The following CRLS1 variants were observed in gnomAD, a reference collection of about 807,000 sequenced individuals.
CRLS1 encodes cardiolipin synthase 1.
Under a neutral mutation model 37.0 loss-of-function variants are expected in CRLS1, and 24 were observed. The ratio of observed to expected loss-of-function variants is 0.65; its 90% CI spans 0.47 to 0.91. The LOEUF (loss-of-function observed/expected upper bound fraction) is 0.91, where lower values mean the gene tolerates loss of function less well. Ranked by LOEUF, CRLS1 falls within the 40% of genes least tolerant of loss-of-function variation. CRLS1 has a pLI of 0.00. For missense variants in CRLS1, 373 were observed against 395.8 expected (o/e 0.94, Z 0.49); for synonymous variants, 135 against 159.7 (o/e 0.85, Z 1.17).
At chr20:6,009,052 T>C (rs953389180) in intron 1 of CRLS1, among the ~76,000 whole-genome samples, 1 of 152,234 alleles carries the variant, frequency 6.6e-6, no homozygotes, top group Non-Finnish European at 1.5e-5. Context: ...AGGCCGGGCA[T>C]GCTGGCTCAC....
chr20:6,013,151 A>G lies in CRLS1; in HGVS notation c.445-2210A>G, dbSNP rs926089417. Among the ~76,000 whole-genome samples the G allele has an allele frequency of 5.9e-5, 9 of 152,152 alleles. No individual in the cohort carries two copies. The South Asian group carries it at 8.3e-4, about 14-fold the overall frequency. On this transcript the variant is annotated intron_variant, in intron 2 of 6. Coordinates refer to ENST00000378863, the MANE Select transcript of CRLS1 (RefSeq NM_019095.6). ...ATTATATCTATGTGTATATAGATAG[A>G]TAGATATAAAATCCTATATATAAAA...
chr20:6,034,342 G>C, intron 5 of CRLS1, 122 bp from the exon 6 acceptor site: 1 of 652,956 alleles, frequency 1.5e-6, no homozygotes. Context: ...TAGTGTAGAT[G>C]AACAGCAAGC....
In CRLS1 at chr20:6,032,021, G is replaced by A. The variant is rs1211463814; in HGVS notation, c.670G>A (p.Ala224Thr). The A allele has an allele frequency of 2.5e-6, 4 of 1,612,270 alleles. No homozygotes were observed. The highest frequency in any genetic ancestry group is 3.4e-6 in the Non-Finnish European group (4 of 1,178,698). ...YRTLPTPRTL[A>T]KYFNPCYATA... ...TTTGGTCCTCTGCCAGCGAACACTT[G>A]CCAAGTATTTCAATCCTTGCTATGC... Residue 224 changes from alanine to threonine, a missense_variant, in exon 5 of 7, where the codon GCC (alanine) becomes ACC (threonine). Ala to Thr is a moderately conservative substitution (Grantham distance 58). Coordinates refer to ENST00000378863, the MANE Select transcript of CRLS1 (RefSeq NM_019095.6).
chr20:6,029,719 G>A (rs1433622013), intron 3 of CRLS1, among the ~76,000 whole-genome samples: 1 of 152,116 alleles, frequency 6.6e-6, no homozygotes, highest in Non-Finnish European at 1.5e-5. Context: ...CTACAGAAAA[G>A]TTTGTTTACC....
chr20:6,018,218 A>C (rs1177355847), intron 3 of CRLS1, among the ~76,000 whole-genome samples: 2 of 149,094 alleles, frequency 1.3e-5, no homozygotes, highest in Non-Finnish European at 3.0e-5. Context: ...TCTGTCCTCA[A>C]AAAAAAAAAA....
At position 6,034,450 on chromosome 20, in the gene CRLS1, CT is replaced by C. The variant is rs748825471; in HGVS notation, c.730-7del. ...TGGCACTATTCACTTAGAACTTTTT[CT>C]TTTTTTATTTAGGTGAATACAGCAG... is the stretch of plus-strand genomic sequence containing the variant. On this transcript the variant is annotated splice_polypyrimidine_tract_variant and intron_variant, in intron 5 of 6. Coordinates refer to ENST00000378863, the MANE Select transcript of CRLS1 (RefSeq NM_019095.6). The C allele has an allele frequency of 6.3e-7, 1 of 1,599,348 alleles. No homozygotes were observed.
chr20:6,035,683 A>G (rs1980491747), intron 6 of CRLS1, among the ~76,000 whole-genome samples: 1 of 152,160 alleles, frequency 6.6e-6, no homozygotes, highest in Non-Finnish European at 1.5e-5. Flanking sequence ...GTACAGTGGC[A>G]TGATCATAGC....
intron 3 of CRLS1, among the ~76,000 whole-genome samples, chr20:6,023,707 T>G (rs1979453265): frequency 6.6e-6 from 1 of 151,736 alleles, no homozygotes; most frequent in African/African-American, 2.4e-5. Flanking sequence ...TTTTTTTGGC[T>G]CTCATTTTGA....
intron 2 of CRLS1, among the ~76,000 whole-genome samples, chr20:6,014,958 T>C (rs1203794642): frequency 3.3e-5 from 5 of 152,174 alleles, no homozygotes; most frequent in Non-Finnish European, 7.3e-5. Flanking sequence ...ATGGTAAGTT[T>C]TAACAGAGTT....
rs770137065 is a variant in CRLS1, at chr20:6,031,350, T to C, written c.640T>C (p.Tyr214His). 2 of 1,609,110 alleles carry C rather than the reference T, an allele frequency of 1.2e-6. No individual in the cohort carries two copies. The highest frequency in any genetic ancestry group is 1.1e-5 in the South Asian group (1 of 89,960). ...GATTGCTGCTGTTTTTTATGTCAGA[T>C]ACCGAACTCTTCCAACACCAGTGAG... ...MLIAAVFYVR[Y>H]RTLPTPRTLA... Residue 214 changes from tyrosine to histidine, a missense_variant, in exon 4 of 7, where the codon TAC (tyrosine) becomes CAC (histidine). Tyr to His is a moderately conservative substitution (Grantham distance 83). Coordinates refer to ENST00000378863, the MANE Select transcript of CRLS1 (RefSeq NM_019095.6).
At chr20:6,027,766 G>A (rs561547363) in intron 3 of CRLS1, among the ~76,000 whole-genome samples, 1 of 152,262 alleles carries the variant, frequency 6.6e-6, no homozygotes, top group African/African-American at 2.4e-5. Context: ...CTGGTCATCT[G>A]ACTTTCTTTC....
At chr20:6,029,612 G>A (rs1038186878) in intron 3 of CRLS1, among the ~76,000 whole-genome samples, 1 of 152,204 alleles carries the variant, frequency 6.6e-6, no homozygotes, top group Non-Finnish European at 1.5e-5. Flanking sequence ...GCCTGCCTTG[G>A]CCTCCCAAGG....
Position 6,006,882 on chromosome 20 carries a change from G to A in CRLS1, c.306+330G>A, listed in dbSNP as rs1325036165. 5 of 928,006 alleles carry A rather than the reference G, an allele frequency of 5.4e-6. No homozygotes were observed. In the East Asian group the frequency reaches 5.8e-4, roughly 108 times the overall value. 57.5% of individuals were successfully genotyped at this position (928,006 alleles called of 1,614,324 possible). A position where few individuals can be genotyped will look rare whatever the true frequency, so the allele number is the denominator to read the frequency against. On this transcript the variant is annotated intron_variant, in intron 1 of 6. Transcript: ENST00000378863. ...AAAGCCTATTTTTAATTCTTTTGAA[G>A]TGAATCCCCAGTGTTTAGGGCAAGT... is the stretch of plus-strand genomic sequence containing the variant.
rs1383182830 is a variant in CRLS1 at position 6,038,916 on chromosome 20, T to A, written c.*1758T>A. Reference sequence around the variant, plus strand: ...ATCCCTTAGGAAAATGGTCCAAGTCTCCTCAGGCTTTTGGATACTGAATTG... The same window carrying A: ...ATCCCTTAGGAAAATGGTCCAAGTCACCTCAGGCTTTTGGATACTGAATTG... On this transcript the variant is annotated 3_prime_UTR_variant, in exon 7 of 7. Coordinates refer to ENST00000378863, the MANE Select transcript of CRLS1 (RefSeq NM_019095.6). The A allele has an allele frequency of 6.6e-6, 1 of 152,240 alleles. No homozygotes were observed. Among genetic ancestry groups the A allele is most frequent in the East Asian group, 1.9e-4 (1 of 5,204 alleles). The allele number at this position is 152,240 out of a possible 1,614,324, so 9.4% of individuals were successfully genotyped here.
chr20:6,007,128 C>A, intron 1 of CRLS1: 3 of 786,802 alleles, frequency 3.8e-6, no homozygotes, highest in Non-Finnish European at 5.4e-6. Flanking sequence ...TGTTGATATG[C>A]TACCCAGACA....
chr20:6,032,256 A>T (rs1239567914), intron 5 of CRLS1, among the ~76,000 whole-genome samples, 176 bp downstream of exon 5: 3 of 151,920 alleles, frequency 2.0e-5, no homozygotes, highest in Non-Finnish European at 2.9e-5. Flanking sequence ...TGTTTTTTGG[A>T]TCATCCTTAT....
chr20:6,037,201 A>G lies in CRLS1; in HGVS notation c.*43A>G, dbSNP rs973910645. The G allele has an allele frequency of 2.8e-6, 4 of 1,426,034 alleles. No individual in the cohort carries two copies. Among genetic ancestry groups the G allele is most frequent in the Non-Finnish European group, 3.9e-6 (4 of 1,012,714 alleles). 88.3% of individuals were successfully genotyped at this position (1,426,034 alleles called of 1,614,324 possible). A position where few individuals can be genotyped will look rare whatever the true frequency, so the allele number is the denominator to read the frequency against. ...TGTTAGTAAGGAAGCAGTATACATC[A>G]ATGGGAACAGGGCCCATGGAAATGT... is the stretch of plus-strand genomic sequence containing the variant. On this transcript the variant is annotated 3_prime_UTR_variant, in exon 7 of 7. Transcript: ENST00000378863.
intron 1 of CRLS1, among the ~76,000 whole-genome samples, chr20:6,007,584 T>A (rs1184919365): frequency 6.6e-6 from 1 of 152,256 alleles, no homozygotes; most frequent in South Asian, 2.1e-4. Flanking sequence ...ATTCGCCAAA[T>A]GAAATGATGT....
chr20:6,006,761 T>TA (rs752947274), intron 1 of CRLS1: 13 of 985,334 alleles, frequency 1.3e-5, no homozygotes, highest in Non-Finnish European at 1.6e-5. Context: ...GTGGTCAAGT[T>TA]AGAAATCCTC....
Sources: allele counts gnomAD v4.1 joint callset (sites outside exome capture counted in the v4.1 genomes callset), GRCh38; gene constraint gnomAD v4.1.1; transcripts MANE v1.5; gene names NCBI Gene and HGNC (gene_info 2026-07-23, HGNC 2026-07-21).